The following ABCA8 variants were observed in gnomAD, a reference collection of about 807,000 sequenced individuals.
ABCA8 encodes ABC-type organic anion transporter ABCA8.
In ABCA8, 177 loss-of-function variants were observed where a neutral mutation model predicts 192.3. The ratio of observed to expected loss-of-function variants is 0.92; its 90% confidence interval spans 0.81 to 1.04. The LOEUF (loss-of-function observed/expected upper bound fraction) is 1.04. ABCA8 is among the 50% of genes least tolerant of loss of function. ABCA8 has a pLI of 0.00. For missense variants in ABCA8, 1,915 were observed against 1,904.8 expected (o/e 1.01, Z -0.10); for synonymous variants, 642 against 690.2 (o/e 0.93, Z 1.09).
chr17:68,919,253 T>C (rs1366272510), intron 14 of ABCA8, 48 bp downstream of exon 14: 1 of 1,507,688 alleles, frequency 6.6e-7, no homozygotes, highest in East Asian at 2.3e-5. Context: ...CAAATGGTTT[T>C]AATAATCTCA....
chr17:68,869,779 C>G lies in ABCA8; in HGVS notation c.4632G>C (p.Arg1544Ser). The G allele has an allele frequency of 6.2e-7, 1 of 1,609,452 alleles. No homozygotes were observed. Among genetic ancestry groups the G allele is most frequent in the African/African-American group, 1.3e-5 (1 of 74,874 alleles). ...ACTTATAAACCATCAGAGAGGAGTA[C>G]CTGAGAGAAAAGGAGAGGTAAGAAG... ...RLFPQAARQE[R>S]YSSLMVYKLP... Residue 1544 changes from arginine (R) to serine (S), a missense_variant and splice_region_variant, in exon 38 of 40, where the codon AGG (arginine) becomes AGC (serine). Physicochemically the swap from Arg to Ser is moderately radical, Grantham distance 110. Coordinates refer to ENST00000586539, the MANE Select transcript of ABCA8 (RefSeq NM_001288985.2).
At chr17:68,912,153 T>C (rs72850265) in intron 17 of ABCA8, among the ~76,000 whole-genome samples, 13,189 of 152,212 alleles carry the variant, frequency 0.087, 797 homozygotes, top group Non-Finnish European at 0.13. Context: ...GACAAAGATA[T>C]GTGACTTTTC....
chr17:68,898,079 G>C (rs1189478488), intron 21 of ABCA8, among the ~76,000 whole-genome samples: 1 of 152,156 alleles, frequency 6.6e-6, no homozygotes, highest in African/African-American at 2.4e-5. Flanking sequence ...CAAAGGCAAA[G>C]AGAATGTTTC....
At chr17:68,896,634 T>C (rs2066767028) in intron 21 of ABCA8, among the ~76,000 whole-genome samples, 1 of 152,146 alleles carries the variant, frequency 6.6e-6, no homozygotes, top group Non-Finnish European at 1.5e-5. Flanking sequence ...TCAGATCGAC[T>C]GTCAAGACAT....
At chr17:68,874,451 G>A (rs1388046140) in intron 37 of ABCA8, among the ~76,000 whole-genome samples, 1 of 152,268 alleles carries the variant, frequency 6.6e-6, no homozygotes, top group Admixed American at 6.5e-5. Context: ...TTCATCATTT[G>A]AAAATTAAGA....
intron 8 of ABCA8, 59 bp downstream of exon 8, chr17:68,929,502 G>A (rs944211101): frequency 3.2e-5 from 49 of 1,546,104 alleles, no homozygotes; most frequent in African/African-American, 3.0e-4. Flanking sequence ...GTAATCAGTC[G>A]GAAACAAACA....
At chr17:68,923,230 T>C (rs2067596803) in intron 11 of ABCA8, among the ~76,000 whole-genome samples, 1 of 151,726 alleles carries the variant, frequency 6.6e-6, no homozygotes, top group Non-Finnish European at 1.5e-5. Context: ...GAGAGAGTCT[T>C]GCTCTATCAC....
At chr17:68,919,640 T>G in intron 13 of ABCA8, 164 bp from the exon 14 acceptor site, 1 of 607,828 alleles carries the variant, frequency 1.6e-6, no homozygotes, top group East Asian at 2.8e-5. Context: ...TGTTCTCATC[T>G]GCAGCTTTTC....
At position 68,883,849 on chromosome 17, in the gene ABCA8, G is replaced by T; in HGVS notation, c.3649C>A (p.Leu1217Ile). The change falls in exon 29 of 40, where the codon CTT (leucine) becomes ATT (isoleucine). Residue 1217 changes from leucine (L) to isoleucine (I), a missense_variant. Physicochemically the swap from Leu to Ile is conservative, Grantham distance 5. Transcript: ENST00000586539. The stretch of plus-strand genomic sequence containing the variant: ...CCAAACTTCCATTCCAGACATCGAA[G>T]AGTAAAAAGAAAAATGATAAAATGA... ...FLHFIIFLFT[L>I]RCLEWKFGKK... The T allele has an allele frequency of 6.3e-7, 1 of 1,595,066 alleles. No homozygotes were observed.
At chr17:68,908,315 A>G (rs909898419) in intron 17 of ABCA8, among the ~76,000 whole-genome samples, 1 of 152,160 alleles carries the variant, frequency 6.6e-6, no homozygotes, top group African/African-American at 2.4e-5. Flanking sequence ...GGAACAAGAG[A>G]CTTGTGAGAA....
chr17:68,914,773 A>G (rs1273427461), intron 17 of ABCA8, among the ~76,000 whole-genome samples: 1 of 152,138 alleles, frequency 6.6e-6, no homozygotes, highest in East Asian at 1.9e-4. Context: ...GACATTCTTC[A>G]CAGAATAAAA....
At chr17:68,928,832 G>T (rs1214989021) in intron 9 of ABCA8, among the ~76,000 whole-genome samples, 1 of 152,044 alleles carries the variant, frequency 6.6e-6, no homozygotes. Context: ...TTAAATAATT[G>T]TATGTTGATC....
Position 68,903,381 on chromosome 17 carries a change from AGC to A in ABCA8, c.2515_2516del (p.Ala839SerfsTer20). ...TTGCGCAGATTTGCTGTCGCCAGAG[AGC>A]CACACCACCTATTGTCTTTCTCATC... ...NKMRKTIGGV[A>X]LWRQQICAIA... On this transcript the variant is annotated frameshift_variant, in exon 20 of 40. Coordinates refer to ENST00000586539, the MANE Select transcript of ABCA8 (RefSeq NM_001288985.2). LOFTEE classifies it high-confidence loss of function. 1 of 1,614,210 alleles carries A rather than the reference AGC, an allele frequency of 6.2e-7. No individual in the cohort carries two copies. Among genetic ancestry groups the A allele is most frequent in the Middle Eastern group, 1.6e-4 (1 of 6,062 alleles).
At chr17:68,907,158 C>G (rs1201995653) in intron 18 of ABCA8, among the ~76,000 whole-genome samples, 2 of 152,040 alleles carry the variant, frequency 1.3e-5, no homozygotes, top group African/African-American at 4.8e-5. Context: ...TTGCGTAACA[C>G]TTTCCTGATG....
intron 17 of ABCA8, among the ~76,000 whole-genome samples, chr17:68,912,965 C>T (rs571035144): frequency 6.6e-6 from 1 of 152,242 alleles, no homozygotes; most frequent in South Asian, 2.1e-4. Flanking sequence ...CTCCTCAGCA[C>T]ATGGATCATT....
intron 1 of ABCA8, among the ~76,000 whole-genome samples, chr17:68,952,314 G>C (rs2068588587): frequency 6.6e-6 from 1 of 152,034 alleles, no homozygotes; most frequent in African/African-American, 2.4e-5. Flanking sequence ...CGCCTCCTGG[G>C]TTCATGCCAT....
At chr17:68,898,979 A>G (rs1270009909) in intron 21 of ABCA8, among the ~76,000 whole-genome samples, 2 of 152,148 alleles carry the variant, frequency 1.3e-5, no homozygotes, top group Non-Finnish European at 1.5e-5. Flanking sequence ...GAGTAAGTAC[A>G]TATTTGTAGA....
intron 24 of ABCA8, among the ~76,000 whole-genome samples, chr17:68,890,812 C>A (rs1191648417): frequency 6.6e-6 from 1 of 152,222 alleles, no homozygotes; most frequent in Non-Finnish European, 1.5e-5. Context: ...AGCCACCAAG[C>A]TCGGCTGCCT....
rs535439511 is a variant in ABCA8, at chr17:68,940,496, C to T, written c.301+262G>A. 2.0e-5 allele frequency among the ~76,000 whole-genome samples: 3 copies of T among 152,200 alleles called. No homozygotes were observed. In the South Asian group the frequency reaches 6.2e-4, roughly 32 times the overall value. ...TGTATAATTTCATGCTTCCTCAAAT[C>T]CTATACCAGATCAACAAGTTTCTTT... On this transcript the variant is annotated intron_variant, in intron 4 of 39. Coordinates refer to ENST00000586539, the MANE Select transcript of ABCA8 (RefSeq NM_001288985.2).
Sources: gnomAD v4.1 joint callset for allele counts (sites outside exome capture counted in the v4.1 genomes callset) on GRCh38, gnomAD v4.1.1 for gene constraint, MANE v1.5 for transcripts, NCBI Gene and HGNC (gene_info 2026-07-23, HGNC 2026-07-21) for gene names.